Variants in CSMD3 observed in about 807,000 individuals in gnomAD.
The protein encoded by CSMD3 is CUB and sushi domain-containing protein 3.
In CSMD3, 177 loss-of-function variants were observed where a neutral mutation model predicts 435.2. That is an observed-to-expected ratio of 0.41 (90% CI 0.36 to 0.46). The LOEUF (loss-of-function observed/expected upper bound fraction) is 0.46. Among genes scored for constraint, CSMD3 ranks in the 20% least tolerant of loss-of-function variants. The pLI is 0.34. For synonymous variants in CSMD3, 1,656 were observed against 1,520.5 expected (o/e 1.09, Z -2.07); for missense variants, 4,265 against 4,504.6 (o/e 0.95, Z 1.52).
intron 38 of CSMD3, among the ~76,000 whole-genome samples, chr8:112,353,058 G>A (rs1485235614): frequency 6.6e-6 from 1 of 151,958 alleles, no homozygotes; most frequent in Non-Finnish European, 1.5e-5. Context: ...TTAAAATATA[G>A]TTGTAAGTAG....
At chr8:113,334,271 G>A (rs1191995318) in intron 1 of CSMD3, among the ~76,000 whole-genome samples, 3 of 114,362 alleles carry the variant, frequency 2.6e-5, no homozygotes, top group Non-Finnish European at 5.1e-5. Flanking sequence ...ACTAGGGATA[G>A]TTTAAGTTTT....
chr8:113,020,411 T>C (rs2086646690), intron 5 of CSMD3, among the ~76,000 whole-genome samples: 1 of 152,134 alleles, frequency 6.6e-6, no homozygotes, highest in Non-Finnish European at 1.5e-5. Flanking sequence ...TCTTGCTTTA[T>C]AATTTTTTGA....
chr8:112,905,396 A>C (rs545759107), intron 10 of CSMD3, among the ~76,000 whole-genome samples: 1 of 151,032 alleles, frequency 6.6e-6, no homozygotes, highest in Non-Finnish European at 1.5e-5. Flanking sequence ...GTTAGGAGGC[A>C]ATCCTCCATG....
chr8:112,894,866 C>T (rs561798550), intron 10 of CSMD3, among the ~76,000 whole-genome samples: 3 of 150,674 alleles, frequency 2.0e-5, no homozygotes, highest in East Asian at 2.0e-4. Flanking sequence ...AAAACACACA[C>T]ACAAGATATC....
At chr8:112,894,107 G>T (rs1025602231) in intron 10 of CSMD3, among the ~76,000 whole-genome samples, 13 of 151,378 alleles carry the variant, frequency 8.6e-5, no homozygotes, top group African/African-American at 1.9e-4. Context: ...TCAAACTTGG[G>T]TTTGTTTTGA....
intron 25 of CSMD3, 102 bp from the exon 26 acceptor site, chr8:112,552,822 G>A (rs1334882209): frequency 6.6e-6 from 7 of 1,060,832 alleles, no homozygotes; most frequent in Non-Finnish European, 9.8e-6. Context: ...TGATTTTCTT[G>A]TTTCTTTAAA....
intron 5 of CSMD3, among the ~76,000 whole-genome samples, chr8:113,027,364 G>A (rs2086912089): frequency 6.6e-6 from 1 of 152,118 alleles, no homozygotes; most frequent in Non-Finnish European, 1.5e-5. Flanking sequence ...TTTCTGTTGT[G>A]TTGTGCGGGG....
intron 10 of CSMD3, among the ~76,000 whole-genome samples, chr8:112,901,519 T>C (rs2082108531): frequency 1.3e-5 from 2 of 151,314 alleles, no homozygotes; most frequent in African/African-American, 4.8e-5. Flanking sequence ...GAAAAATTCT[T>C]GAAATCCGCC....
chr8:112,277,833 A>T (rs1176103867), intron 59 of CSMD3, among the ~76,000 whole-genome samples: 2 of 152,140 alleles, frequency 1.3e-5, no homozygotes, highest in Non-Finnish European at 2.9e-5. Flanking sequence ...TAAAATCATC[A>T]GATCTTATGA....
chr8:112,794,285 CTTTTTTTTTTTT>C (rs1203991072), intron 13 of CSMD3, among the ~76,000 whole-genome samples: 1 of 96,302 alleles, frequency 1.0e-5, no homozygotes, highest in Non-Finnish European at 2.0e-5. Flanking sequence ...GACTGATAAA[CTTTTTTTTTTTT>C]TTTTTTTTTT....
intron 6 of CSMD3, among the ~76,000 whole-genome samples, chr8:113,006,825 T>C (rs2086075183): frequency 6.6e-6 from 1 of 151,936 alleles, no homozygotes; most frequent in Non-Finnish European, 1.5e-5. Context: ...AGTGTCCATT[T>C]AGATGCATCC....
chr8:112,325,522 T>C (rs562434521), intron 45 of CSMD3, among the ~76,000 whole-genome samples: 135 of 152,250 alleles, frequency 8.9e-4, no homozygotes, highest in Non-Finnish European at 1.6e-3. Context: ...AAAGCAGGCA[T>C]TTTTGCTTTT....
chr8:112,831,981 T>C (rs529820176), intron 11 of CSMD3, among the ~76,000 whole-genome samples: 1 of 152,296 alleles, frequency 6.6e-6, no homozygotes, highest in South Asian at 2.1e-4. Context: ...ATTATATGTG[T>C]TGCAATAGCT....
intron 58 of CSMD3, among the ~76,000 whole-genome samples, chr8:112,285,795 C>A (rs548089918): frequency 6.6e-6 from 1 of 152,172 alleles, no homozygotes; most frequent in South Asian, 2.1e-4. Flanking sequence ...TCATGGTTCA[C>A]TGCAGCCTCT....
intron 3 of CSMD3, among the ~76,000 whole-genome samples, chr8:113,200,923 T>G (rs1203119592): frequency 1.3e-5 from 2 of 151,898 alleles, no homozygotes; most frequent in Non-Finnish European, 2.9e-5. Context: ...TTGTGCAATC[T>G]GTAGCATCTA....
At chr8:112,846,356 CCCTT>C (rs1396630305) in intron 11 of CSMD3, among the ~76,000 whole-genome samples, 8 of 149,018 alleles carry the variant, frequency 5.4e-5, no homozygotes, top group African/African-American at 1.5e-4. Flanking sequence ...CTCCCTCCCT[CCCTT>C]CCTTCCTTCC....
intron 3 of CSMD3, among the ~76,000 whole-genome samples, chr8:113,203,872 T>A (rs2092741220): frequency 6.6e-6 from 1 of 152,126 alleles, no homozygotes; most frequent in Non-Finnish European, 1.5e-5. Context: ...TATCTCCTCC[T>A]CCTGTCCTCT....
At chr8:113,089,431 C>G (rs1280612075) in intron 5 of CSMD3, among the ~76,000 whole-genome samples, 1 of 151,976 alleles carries the variant, frequency 6.6e-6, no homozygotes, top group African/African-American at 2.4e-5. Flanking sequence ...TAATTTAGAA[C>G]ATAAATCATA....
At chr8:113,218,918 A>G (rs1173948789) in intron 3 of CSMD3, among the ~76,000 whole-genome samples, 2 of 151,382 alleles carry the variant, frequency 1.3e-5, no homozygotes, top group African/African-American at 4.8e-5. Context: ...ATACATACAC[A>G]TAGGCTGAAG....
Sources: allele counts gnomAD v4.1 joint callset (sites outside exome capture counted in the v4.1 genomes callset), GRCh38; gene constraint gnomAD v4.1.1; transcripts MANE v1.5; gene names NCBI Gene and HGNC (gene_info 2026-07-23, HGNC 2026-07-21).